LAMC2: variants seen among roughly 807,000 people sequenced by gnomAD.
LAMC2 encodes the protein laminin subunit gamma 2, also known as laminin subunit gamma-2.
A neutral mutation model predicts 140.2 loss-of-function variants in LAMC2; 97 were observed. That is an observed-to-expected ratio of 0.69 (90% CI 0.59 to 0.82). LAMC2 has a LOEUF of 0.82. LAMC2 is among the 40% of genes least tolerant of loss of function. The pLI is 0.00. For missense variants in LAMC2, 1,402 were observed against 1,476.1 expected (o/e 0.95, Z 0.82); for synonymous variants, 513 against 540.2 (o/e 0.95, Z 0.70).
rs1393947468 is a variant in LAMC2, at chr1:183,231,046, C to G, written c.1800C>G (p.Pro600=). The G allele has an allele frequency of 6.2e-7, 1 of 1,614,128 alleles. No homozygotes were observed. The highest frequency in any genetic ancestry group is 1.7e-5 in the Admixed American group (1 of 60,020). The change falls in exon 12 of 23, where the codon CCC becomes CCG. Residue 600 remains proline (P), a synonymous_variant. Transcript: ENST00000264144. ...TCVCKPGFGG[P]NCEHGAFSCP... Reference sequence around the variant, plus strand: ...TTTGCAAGCCAGGATTTGGTGGCCCCAACTGTGAGCATGGAGCATTCAGCT... The same window carrying G: ...TTTGCAAGCCAGGATTTGGTGGCCCGAACTGTGAGCATGGAGCATTCAGCT...
the LAMC2 span, chr1:183,251,174 C>T: frequency 1.3e-5 from 2 of 152,178 alleles, no homozygotes; most frequent in African/African-American, 4.8e-5. Context: ...GCTCCTGACC[C>T]CTCCCAGATC....
chr1:183,232,545 A>G lies in LAMC2; in HGVS notation c.2015-107A>G, dbSNP rs76284790. The G allele has an allele frequency of 4.7e-4, 547 of 1,154,584 alleles. 11 individuals are homozygous for G. The East Asian group carries it at 0.013, about 27-fold the overall frequency. 71.5% of individuals were successfully genotyped at this position (1,154,584 alleles called of 1,614,324 possible). ...AAAGAATGGTTGGATGCATTTCTCT[A>G]TTGGGTTTTTGTCATTTGACCATAA... On this transcript the variant is annotated intron_variant, in intron 13 of 22. Transcript: ENST00000264144.
chr1:183,187,758 G>T (rs1257621896), intron 1 of LAMC2, among the ~76,000 whole-genome samples: 2 of 152,108 alleles, frequency 1.3e-5, no homozygotes, highest in Non-Finnish European at 2.9e-5. Context: ...GAATTTAAAG[G>T]GACTGCTTAT....
intron 19 of LAMC2, among the ~76,000 whole-genome samples, chr1:183,239,162 C>A (rs1039823133): frequency 6.6e-6 from 1 of 152,172 alleles, no homozygotes; most frequent in African/African-American, 2.4e-5. Context: ...GGCTGATTGT[C>A]GGTTTCTCTA....
In LAMC2 at chr1:183,238,418, A is replaced by C; in HGVS notation, c.2866A>C (p.Arg956=). The C allele has an allele frequency of 6.2e-7, 1 of 1,600,034 alleles. No individual in the cohort carries two copies. Among genetic ancestry groups the C allele is most frequent in the Non-Finnish European group, 8.6e-7 (1 of 1,167,116 alleles). ...YEVESILKNL[R]EFDLQVDNRK... ...AGTTGAGAGCATCCTTAAAAACCTCAGAGGTTAGTACTTCATGGTTCAGGT... is the reference window on the plus strand; with the variant it reads ...AGTTGAGAGCATCCTTAAAAACCTCCGAGGTTAGTACTTCATGGTTCAGGT... The change falls in exon 19 of 23, where the codon AGA becomes CGA. Residue 956 remains arginine, a synonymous_variant. Coordinates refer to ENST00000264144, the MANE Select transcript of LAMC2 (RefSeq NM_005562.3).
chr1:183,203,115 A>T (rs12403108), intron 1 of LAMC2, among the ~76,000 whole-genome samples: 18,050 of 152,182 alleles, frequency 0.12, 1,055 homozygotes, highest in East Asian at 0.21. Context: ...AAAAATATAT[A>T]TTTTTTTAAT....
the LAMC2 span, chr1:183,252,181 C>T: frequency 6.3e-6 from 1 of 158,846 alleles, no homozygotes; most frequent in Non-Finnish European, 1.4e-5. Flanking sequence ...GAAAAATAGC[C>T]CTTTGTAGTA....
rs746195995 is a variant in LAMC2 at position 183,207,870 on chromosome 1, T to C, written c.80-11T>C. On this transcript the variant is annotated splice_polypyrimidine_tract_variant and intron_variant, in intron 1 of 22. Coordinates refer to ENST00000264144, the MANE Select transcript of LAMC2 (RefSeq NM_005562.3). ...TTTTTTGACGATCTCTTTTGTATGC[T>C]TCCTCCCCAGTCTGTGATTGCAATG... 1.9e-6 allele frequency: 3 copies of C among 1,598,288 alleles called. No homozygotes were observed. The highest frequency in any genetic ancestry group is 2.2e-5 in the South Asian group (2 of 90,734).
chr1:183,215,327 A>T, intron 2 of LAMC2, 126 bp from the exon 3 acceptor site: 1 of 1,042,526 alleles, frequency 9.6e-7, no homozygotes. Flanking sequence ...TGACTGTTAA[A>T]AGCAGCAGAT....
At chr1:183,226,139 CTT>C (rs76667253) in intron 8 of LAMC2, among the ~76,000 whole-genome samples, 36 of 136,104 alleles carry the variant, frequency 2.6e-4, no homozygotes, top group Admixed American at 3.7e-4. Context: ...CTATTAATTC[CTT>C]TTTTTTTTTT....
chr1:183,202,803 A>G (rs956476039), intron 1 of LAMC2, among the ~76,000 whole-genome samples: 1 of 152,044 alleles, frequency 6.6e-6, no homozygotes, highest in African/African-American at 2.4e-5. Flanking sequence ...TTTCCCCCCA[A>G]ATTGCATGTA....
chr1:183,242,932 G>C (rs1328547210), intron 22 of LAMC2, among the ~76,000 whole-genome samples: 1 of 151,240 alleles, frequency 6.6e-6, no homozygotes, highest in Non-Finnish European at 1.5e-5. Context: ...TCAGAGTCTT[G>C]AACAGTGTTG....
intron 3 of LAMC2, among the ~76,000 whole-genome samples, chr1:183,216,910 T>C (rs1659283025): frequency 6.6e-6 from 1 of 152,190 alleles, no homozygotes; most frequent in South Asian, 2.1e-4. Context: ...AGGACTCCTA[T>C]GGAATGGGGA....
chr1:183,202,311 T>C (rs1015703456), intron 1 of LAMC2, among the ~76,000 whole-genome samples: 1 of 152,008 alleles, frequency 6.6e-6, no homozygotes, highest in African/African-American at 2.4e-5. Context: ...AGTCTGATTG[T>C]TCAAGCATGC....
At position 183,220,728 on chromosome 1, in the gene LAMC2, A is replaced by G. The variant is rs373417872; in HGVS notation, c.504-97A>G. ...CTCCTCTGAAAATTAATAGGGCCAA[A>G]TGGAAGAGAAGGTAGAGAGGCTGAC... On this transcript the variant is annotated intron_variant, in intron 4 of 22. Transcript: ENST00000264144. 1.5e-5 allele frequency: 19 copies of G among 1,280,056 alleles called. No homozygotes were observed. In the South Asian group the frequency reaches 2.4e-4, roughly 16 times the overall value. The allele number at this position is 1,280,056 out of a possible 1,614,324, so 79.3% of individuals were successfully genotyped here. A position where few individuals can be genotyped will look rare whatever the true frequency, so the allele number is the denominator to read the frequency against.
chr1:183,237,216 G>A, intron 17 of LAMC2, 136 bp from the exon 18 acceptor site: 1 of 913,792 alleles, frequency 1.1e-6, no homozygotes, highest in Non-Finnish European at 1.8e-6. Context: ...TAGGTTTTGG[G>A]CCTGGATGGC....
At chr1:183,232,612 C>A in intron 13 of LAMC2, 40 bp from the exon 14 acceptor site, 1 of 1,562,038 alleles carries the variant, frequency 6.4e-7, no homozygotes, top group Non-Finnish European at 8.8e-7. Context: ...CTATGCTGAC[C>A]CAGAAAGTGC....
rs6658628 is a variant in LAMC2, at chr1:183,228,170, A to C, written c.1469-204A>C. 7.7e-4 allele frequency among the ~76,000 whole-genome samples: 117 copies of C among 152,130 alleles called. 1 individual carries two copies. Among genetic ancestry groups the C allele is most frequent in the African/African-American group, 2.6e-3 (109 of 41,510 alleles). ...GCTAGTTAAGCCTCCTAGTGGCGCTACTGTGTTCTGCAACCTGCAGTGGGC... is the reference window on the plus strand; with the variant it reads ...GCTAGTTAAGCCTCCTAGTGGCGCTCCTGTGTTCTGCAACCTGCAGTGGGC... On this transcript the variant is annotated intron_variant, in intron 10 of 22. Transcript: ENST00000264144. This position sits in a 1 kb window ranked among gnomAD's most constrained non-coding sequence, Gnocchi z 4.3.
chr1:183,237,568 A>T, intron 18 of LAMC2, 64 bp downstream of exon 18: 1 of 1,418,948 alleles, frequency 7.0e-7, no homozygotes, highest in Non-Finnish European at 9.9e-7. Context: ...ATGAATAAAT[A>T]TGGCAAGAAG....
Sources: allele counts gnomAD v4.1 joint callset (sites outside exome capture counted in the v4.1 genomes callset), GRCh38; gene constraint gnomAD v4.1.1; non-coding constraint Gnocchi (gnomAD v3.1); transcripts MANE v1.5; gene names NCBI Gene and HGNC (gene_info 2026-07-23, HGNC 2026-07-21).